Variants in DSG2 observed in about 807,000 individuals in gnomAD.
DSG2 encodes the protein desmoglein-2.
Under a neutral mutation model 75.6 loss-of-function variants are expected in DSG2, and 45 were observed. That is an observed-to-expected ratio of 0.60 (90% CI 0.47 to 0.76). The LOEUF (loss-of-function observed/expected upper bound fraction) is 0.76. Among genes scored for constraint, DSG2 ranks in the 30% least tolerant of loss-of-function variants. The pLI is 0.00. For missense variants in DSG2, 1,267 were observed against 1,357.4 expected (o/e 0.93, Z 1.05); for synonymous variants, 429 against 483.9 (o/e 0.89, Z 1.49).
chr18:31,542,958 G>GT, intron 14 of DSG2, 106 bp downstream of exon 14: 2 of 969,360 alleles, frequency 2.1e-6, no homozygotes, highest in African/African-American at 1.7e-5. Context: ...TGAGACTTTG[G>GT]GTTTTTTTTT....
chr18:31,536,932 A>T (rs762824603), intron 11 of DSG2, among the ~76,000 whole-genome samples: 1 of 152,138 alleles, frequency 6.6e-6, no homozygotes, highest in Non-Finnish European at 1.5e-5. Flanking sequence ...TAGAAACAAC[A>T]TAACAGGGGA....
chr18:31,540,446 C>T (rs16962075), intron 12 of DSG2, among the ~76,000 whole-genome samples: 33,220 of 152,202 alleles, frequency 0.22, 4,408 homozygotes, highest in East Asian at 0.46. Flanking sequence ...ATTCCTTGCA[C>T]TGCTTTCTCA....
rs573877639 is a variant in DSG2, at chr18:31,512,349, G to A, written c.46-5890G>A. Among the ~76,000 whole-genome samples the A allele has an allele frequency of 3.9e-5, 6 of 152,254 alleles. No homozygotes were observed. In the South Asian group the frequency reaches 1.2e-3, roughly 32 times the overall value. The stretch of plus-strand genomic sequence containing the variant: ...CCATTCACAGGTCTCTGTTGCCTCT[G>A]CCTTCAAAATAAACACTGGAGATAT... On this transcript the variant is annotated intron_variant, in intron 1 of 14. Transcript: ENST00000261590.
At chr18:31,543,195 T>C (rs919213033) in intron 14 of DSG2, 5 of 193,484 alleles carry the variant, frequency 2.6e-5, no homozygotes, top group Non-Finnish European at 4.2e-5. Flanking sequence ...CCTGGGAAGC[T>C]GCCGTCCTTG....
intron 14 of DSG2, among the ~76,000 whole-genome samples, chr18:31,544,280 C>G (rs1032861875): frequency 6.6e-6 from 1 of 151,826 alleles, no homozygotes; most frequent in African/African-American, 2.4e-5. Context: ...TTTTAAAGAA[C>G]TGCAGTCATA....
At chr18:31,530,087 G>A (rs2073185383) in intron 8 of DSG2, among the ~76,000 whole-genome samples, 1 of 151,996 alleles carries the variant, frequency 6.6e-6, no homozygotes, top group Non-Finnish European at 1.5e-5. Context: ...TTTGAAGAAA[G>A]GTTAATCTTT....
chr18:31,516,173 T>A (rs2073093323), intron 1 of DSG2, among the ~76,000 whole-genome samples: 1 of 151,908 alleles, frequency 6.6e-6, no homozygotes, highest in African/African-American at 2.4e-5. Context: ...AACCTAAATA[T>A]ATTTGGTTTG....
At chr18:31,514,472 G>A (rs72938884) in intron 1 of DSG2, among the ~76,000 whole-genome samples, 3,804 of 152,096 alleles carry the variant, frequency 0.025, 53 homozygotes, top group Middle Eastern at 0.065. Flanking sequence ...TTCTGCCTTC[G>A]AGATACTAGC....
intron 9 of DSG2, among the ~76,000 whole-genome samples, chr18:31,534,452 C>A (rs1186843188): frequency 6.6e-6 from 1 of 151,800 alleles, no homozygotes. Context: ...AATTATTACC[C>A]CAATAATCAA....
At chr18:31,534,666 A>G (rs2073218258) in intron 9 of DSG2, among the ~76,000 whole-genome samples, 1 of 151,808 alleles carries the variant, frequency 6.6e-6, no homozygotes, top group Non-Finnish European at 1.5e-5. Context: ...ACGTGCCACC[A>G]TGCCCGGCAT....
At chr18:31,533,791 T>C (rs1446007384) in intron 9 of DSG2, among the ~76,000 whole-genome samples, 1 of 152,154 alleles carries the variant, frequency 6.6e-6, no homozygotes, top group Non-Finnish European at 1.5e-5. Flanking sequence ...TTAGTTCAAG[T>C]GTATAATTGG....
At chr18:31,538,000 TAAGAAG>T (rs577490649) in intron 11 of DSG2, among the ~76,000 whole-genome samples, 153 of 151,766 alleles carry the variant, frequency 1.0e-3, no homozygotes, top group Non-Finnish European at 1.9e-3. Flanking sequence ...TTTCAAAAAA[TAAGAAG>T]AAGAAGAAGA....
At chr18:31,513,697 C>T (rs1274792802) in intron 1 of DSG2, among the ~76,000 whole-genome samples, 1 of 152,196 alleles carries the variant, frequency 6.6e-6, no homozygotes, top group East Asian at 1.9e-4. Context: ...CTCCCCGCTT[C>T]CCTCTGCCCT....
intron 5 of DSG2, among the ~76,000 whole-genome samples, chr18:31,521,775 G>A (rs754261094): frequency 1.3e-5 from 2 of 152,146 alleles, no homozygotes; most frequent in African/African-American, 4.8e-5. Context: ...TAGATATCAG[G>A]ATCATGTACC....
chr18:31,518,344 T>C, intron 2 of DSG2, 70 bp downstream of exon 2: 2 of 1,315,964 alleles, frequency 1.5e-6, no homozygotes, highest in South Asian at 1.2e-5. Flanking sequence ...ACAGGTTGAC[T>C]GGGCTTTACT....
intron 2 of DSG2, among the ~76,000 whole-genome samples, chr18:31,518,877 AT>A (rs1268402012): frequency 3.9e-5 from 6 of 152,202 alleles, no homozygotes; most frequent in Non-Finnish European, 7.3e-5. Context: ...CTGTATTGAA[AT>A]TTCCCTTGGA....
Position 31,542,584 on chromosome 18 carries a change from G to A in DSG2, c.2066G>A (p.Gly689Asp). The change falls in exon 14 of 15, where the codon GGT becomes GAT. Residue 689 changes from glycine (G) to aspartate (D), a missense_variant. Transcript: ENST00000261590. Reference sequence around the variant, plus strand: ...CTAGTAGGAAGAAATGGAGTAGGAGGTATGGCCAAGGAAGCCACGATGAAA... The same window carrying A: ...CTAGTAGGAAGAAATGGAGTAGGAGATATGGCCAAGGAAGCCACGATGAAA... ...GSLVGRNGVG[G>D]MAKEATMKGS... is the part of the protein sequence containing the mutation. 3 of 1,614,110 alleles carry A rather than the reference G, an allele frequency of 1.9e-6. No homozygotes were observed. Among genetic ancestry groups the A allele is most frequent in the Non-Finnish European group, 2.5e-6 (3 of 1,180,008 alleles).
intron 12 of DSG2, 140 bp downstream of exon 12, chr18:31,539,118 ACTG>A (rs2073250610): frequency 4.9e-6 from 4 of 817,210 alleles, no homozygotes; most frequent in Non-Finnish European, 8.2e-6. Flanking sequence ...TAGGGAAACA[ACTG>A]ATGATTGGCA....
In DSG2 at chr18:31,531,231, C is replaced by T. The variant is rs1344599360; in HGVS notation, c.1259C>T (p.Thr420Ile). 2 of 1,614,184 alleles carry T rather than the reference C, an allele frequency of 1.2e-6. No homozygotes were observed. The highest frequency in any genetic ancestry group is 1.3e-5 in the African/African-American group (1 of 75,052). The stretch of plus-strand genomic sequence containing the variant: ...AATTTTCAAGCTTTTGATGAGGACA[C>T]TGGACTACCAGCCCATGCAAGGTAA... Reference protein sequence around the residue: ...IGNFQAFDEDTGLPAHARYVK... With the variant: ...IGNFQAFDEDIGLPAHARYVK... The change falls in exon 9 of 15, where the codon ACT becomes ATT. Residue 420 changes from threonine (T) to isoleucine (I), a missense_variant. Thr to Ile is a moderately conservative substitution (Grantham distance 89, BLOSUM62 -1). Coordinates refer to ENST00000261590, the MANE Select transcript of DSG2 (RefSeq NM_001943.5).
Sources: allele counts gnomAD v4.1 joint callset (sites outside exome capture counted in the v4.1 genomes callset), GRCh38; gene constraint gnomAD v4.1.1; transcripts MANE v1.5; gene names NCBI Gene and HGNC (gene_info 2026-07-23, HGNC 2026-07-21).